The following MYT1L variants were observed in gnomAD, a reference collection of about 807,000 sequenced individuals.
The protein encoded by MYT1L is myelin transcription factor 1-like protein.
A neutral mutation model predicts 126.7 loss-of-function variants in MYT1L; 12 were observed. The ratio of observed to expected loss-of-function variants is 0.09; its 90% CI spans 0.06 to 0.15. MYT1L has a LOEUF of 0.15. Among genes scored for constraint, MYT1L ranks in the 10% least tolerant of loss-of-function variants. The pLI is 1.00. For missense variants in MYT1L, 979 were observed against 1,585.2 expected (o/e 0.62, Z 6.49); for synonymous variants, 541 against 604.2 (o/e 0.90, Z 1.53).
At chr2:2,040,121 C>G (rs867017779) in intron 4 of MYT1L, among the ~76,000 whole-genome samples, 2 of 152,162 alleles carry the variant, frequency 1.3e-5, no homozygotes, top group Non-Finnish European at 2.9e-5. Context: ...TGTGTCAGGG[C>G]TACTATTTCA....
chr2:1,970,623 G>A (rs1455117489), intron 8 of MYT1L, among the ~76,000 whole-genome samples: 1 of 152,196 alleles, frequency 6.6e-6, no homozygotes, highest in African/African-American at 2.4e-5. Context: ...GTTGTGCTTT[G>A]TGGCTGCGGG....
chr2:2,114,502 T>C (rs895408494), intron 3 of MYT1L, among the ~76,000 whole-genome samples: 5 of 152,256 alleles, frequency 3.3e-5, no homozygotes, highest in South Asian at 2.1e-4. Flanking sequence ...AGCTCTGTCA[T>C]GAACACCTTC....
intron 3 of MYT1L, among the ~76,000 whole-genome samples, chr2:2,170,086 C>G (rs1202996023): frequency 1.3e-5 from 2 of 152,212 alleles, no homozygotes; most frequent in Non-Finnish European, 2.9e-5. Context: ...GCTAGCTCCA[C>G]CCTGGGTACC....
intron 2 of MYT1L, among the ~76,000 whole-genome samples, chr2:2,184,316 T>C (rs775691713): frequency 1.3e-5 from 2 of 152,160 alleles, no homozygotes; most frequent in Non-Finnish European, 2.9e-5. Context: ...GAGAAACAAG[T>C]AGAAAGTAAA....
chr2:2,012,190 T>G (rs752842860), intron 4 of MYT1L, among the ~76,000 whole-genome samples: 2 of 152,250 alleles, frequency 1.3e-5, no homozygotes, highest in Non-Finnish European at 2.9e-5. Context: ...CATCTACTGA[T>G]GAATGGACAA....
chr2:2,050,543 A>G (rs2068712625), intron 4 of MYT1L, among the ~76,000 whole-genome samples: 1 of 152,204 alleles, frequency 6.6e-6, no homozygotes, highest in African/African-American at 2.4e-5. Flanking sequence ...CGGCTCAGCA[A>G]TCACAGTGGC....
At chr2:2,036,612 C>A (rs2149974276) in intron 4 of MYT1L, among the ~76,000 whole-genome samples, 2 of 152,364 alleles carry the variant, frequency 1.3e-5, no homozygotes, top group Middle Eastern at 6.8e-3. Flanking sequence ...CTCTCAGTCC[C>A]CCATATCACT....
intron 3 of MYT1L, among the ~76,000 whole-genome samples, chr2:2,127,018 T>G (rs1466131020): frequency 6.6e-6 from 1 of 152,248 alleles, no homozygotes; most frequent in Non-Finnish European, 1.5e-5. Context: ...GTTTATGCAT[T>G]TCTAAAGAGC....
chr2:2,178,968 A>G (rs1332255220), intron 2 of MYT1L, among the ~76,000 whole-genome samples: 1 of 152,196 alleles, frequency 6.6e-6, no homozygotes, highest in African/African-American at 2.4e-5. Flanking sequence ...CACACGGGAG[A>G]AGACGTTTCC....
intron 20 of MYT1L, 149 bp downstream of exon 20, chr2:1,840,611 T>TTATC: frequency 1.6e-6 from 1 of 642,824 alleles, no homozygotes; most frequent in East Asian, 2.8e-5. Flanking sequence ...TGGGTCTAAG[T>TTATC]TATCTGACCT....
chr2:2,248,739 A>T (rs1314087825), intron 2 of MYT1L, among the ~76,000 whole-genome samples: 1 of 152,186 alleles, frequency 6.6e-6, no homozygotes, highest in African/African-American at 2.4e-5. Context: ...AATCAGTGTC[A>T]TACACAATAT....
rs201865490 is a variant in MYT1L, at chr2:2,248,316, C to T, written c.-421+36088G>A. On this transcript the variant is annotated intron_variant, in intron 2 of 24. Coordinates refer to ENST00000647738, the MANE Select transcript of MYT1L (RefSeq NM_001303052.2). ...AAATTCCTAGACACATGCAACCTAC[C>T]AAGATTGAACCATGAAGAAATAAAA... 1.8e-4 allele frequency among the ~76,000 whole-genome samples: 28 copies of T among 151,942 alleles called. No individual in the cohort carries two copies. The East Asian group carries it at 5.4e-3, about 29-fold the overall frequency.
chr2:1,986,387 C>CA (rs1011144789), intron 5 of MYT1L, among the ~76,000 whole-genome samples: 9 of 151,790 alleles, frequency 5.9e-5, no homozygotes, highest in South Asian at 2.1e-4. Flanking sequence ...TTCAGAGCTT[C>CA]AAAAAAAGCC....
chr2:1,861,077 TCA>T (rs2044532143), intron 18 of MYT1L, among the ~76,000 whole-genome samples: 1 of 151,786 alleles, frequency 6.6e-6, no homozygotes, highest in Admixed American at 6.6e-5. Context: ...TCAACACAGC[TCA>T]GATATTGTTT....
In MYT1L at chr2:2,146,073, A is replaced by G. The variant is rs552336018; in HGVS notation, c.-304+26799T>C. The stretch of plus-strand genomic sequence containing the variant: ...ATTGTCTAAGGACTGTGTGGTGCCC[A>G]AGGCTGATTCCAATGGCCATTATGC... On this transcript the variant is annotated intron_variant, in intron 3 of 24. Coordinates refer to ENST00000647738, the MANE Select transcript of MYT1L (RefSeq NM_001303052.2). 2.0e-5 allele frequency among the ~76,000 whole-genome samples: 3 copies of G among 152,344 alleles called. No homozygotes were observed. The South Asian group carries it at 6.2e-4, about 32-fold the overall frequency.
intron 18 of MYT1L, among the ~76,000 whole-genome samples, chr2:1,869,667 CG>C (rs1463289364): frequency 2.6e-5 from 4 of 152,194 alleles, no homozygotes; most frequent in Admixed American, 6.5e-5. Context: ...TGATTACCTA[CG>C]GTTTGCCAGA....
At chr2:2,049,141 ACAAAG>A (rs1195282934) in intron 4 of MYT1L, among the ~76,000 whole-genome samples, 1 of 152,234 alleles carries the variant, frequency 6.6e-6, no homozygotes, top group Admixed American at 6.5e-5. Flanking sequence ...GAGGATCTTG[ACAAAG>A]CAAGACTCAA....
At chr2:1,855,935 T>G (rs1008489212) in intron 18 of MYT1L, among the ~76,000 whole-genome samples, 1 of 152,156 alleles carries the variant, frequency 6.6e-6, no homozygotes. Context: ...AAAATAACTT[T>G]TGGTTGTACA....
At chr2:1,809,665 C>T (rs1166580343) in intron 21 of MYT1L, 1 of 153,266 alleles carries the variant, frequency 6.5e-6, no homozygotes, top group Non-Finnish European at 1.5e-5. Flanking sequence ...CTGTGCCCCT[C>T]CTGCTTCCCC....
Sources: allele counts gnomAD v4.1 joint callset (sites outside exome capture counted in the v4.1 genomes callset), GRCh38; gene constraint gnomAD v4.1.1; transcripts MANE v1.5; gene names NCBI Gene and HGNC (gene_info 2026-07-23, HGNC 2026-07-21).